Variants in RANBP2 observed in about 807,000 individuals in gnomAD.
RANBP2 encodes E3 SUMO-protein ligase RanBP2.
A neutral mutation model predicts 303.6 loss-of-function variants in RANBP2; 57 were observed. The observed-to-expected ratio is 0.19, with a 90% CI of 0.15 to 0.23. The LOEUF (loss-of-function observed/expected upper bound fraction) is 0.23. RANBP2 is among the 10% of genes least tolerant of loss of function. The pLI is 1.00. For synonymous variants in RANBP2, 1,167 were observed against 1,301.5 expected (o/e 0.90, Z 2.23); for missense variants, 3,138 against 3,780.8 (o/e 0.83, Z 4.46).
At chr2:108,733,631 T>C (rs1161442945) in intron 4 of RANBP2, among the ~76,000 whole-genome samples, 1 of 152,204 alleles carries the variant, frequency 6.6e-6, no homozygotes, top group African/African-American at 2.4e-5. Context: ...TGAGGTCTAA[T>C]TGTGCAGATT....
intron 4 of RANBP2, among the ~76,000 whole-genome samples, chr2:108,733,893 G>A (rs1266450869): frequency 1.3e-4 from 20 of 150,292 alleles, no homozygotes; most frequent in African/African-American, 4.5e-4. Flanking sequence ...TAACTGTCAT[G>A]CAAAGTAATT....
the RANBP2 span, among the ~76,000 whole-genome samples, chr2:109,376,558 C>T: frequency 6.6e-6 from 1 of 152,230 alleles, no homozygotes; most frequent in Non-Finnish European, 1.5e-5. Context: ...TGATGAAAGA[C>T]AGTAGACACA....
chr2:109,482,567 G>A, the RANBP2 span, among the ~76,000 whole-genome samples: 1 of 152,178 alleles, frequency 6.6e-6, no homozygotes, highest in African/African-American at 2.4e-5. Flanking sequence ...CCACTCCCGC[G>A]CCCAGCCCGG....
the RANBP2 span, among the ~76,000 whole-genome samples, chr2:109,636,246 A>G: frequency 6.6e-6 from 1 of 152,250 alleles, no homozygotes; most frequent in Non-Finnish European, 1.5e-5. Context: ...AGACTAGGAC[A>G]TTAATAATCT....
At chr2:109,382,023 G>A in the RANBP2 span, among the ~76,000 whole-genome samples, 24,540 of 152,066 alleles carry the variant, frequency 0.16, 2,108 homozygotes, top group Middle Eastern at 0.25. Context: ...CCTGTGCACA[G>A]CCTCCATAAG....
chr2:109,142,052 G>A, the RANBP2 span, among the ~76,000 whole-genome samples: 1 of 151,486 alleles, frequency 6.6e-6, no homozygotes, highest in African/African-American at 2.4e-5. Flanking sequence ...CTGGGGGGGG[G>A]GTCTCAGGTA....
At chr2:108,791,658 C>G in the RANBP2 span, 1 of 1,599,792 alleles carries the variant, frequency 6.3e-7, no homozygotes, top group African/African-American at 1.3e-5. Flanking sequence ...TGCTGTGATA[C>G]AATTATTTTT....
At chr2:109,409,708 T>G in the RANBP2 span, among the ~76,000 whole-genome samples, 2 of 151,974 alleles carry the variant, frequency 1.3e-5, no homozygotes, top group Non-Finnish European at 2.9e-5. Context: ...GAGAGGGAGA[T>G]CGAGAGGCAC....
chr2:108,745,658 T>C (rs930548126), intron 7 of RANBP2, among the ~76,000 whole-genome samples: 1 of 151,966 alleles, frequency 6.6e-6, no homozygotes, highest in Admixed American at 6.6e-5. Context: ...GTCCCATTTA[T>C]TCCAGTGCTA....
the RANBP2 span, among the ~76,000 whole-genome samples, chr2:109,044,924 TA>T: frequency 6.6e-6 from 1 of 152,206 alleles, no homozygotes; most frequent in South Asian, 2.1e-4. Context: ...GTGATTCTAC[TA>T]AAGTCTTCGT....
At chr2:109,215,794 G>A in the RANBP2 span, among the ~76,000 whole-genome samples, 2 of 152,122 alleles carry the variant, frequency 1.3e-5, no homozygotes, top group Admixed American at 1.3e-4. Flanking sequence ...GGGATGAGCT[G>A]GGATTTGCCC....
At chr2:109,141,909 G>C in the RANBP2 span, among the ~76,000 whole-genome samples, 1 of 152,008 alleles carries the variant, frequency 6.6e-6, no homozygotes, top group Non-Finnish European at 1.5e-5. Context: ...CCTACCTCCT[G>C]CAAGCTCTGC....
the RANBP2 span, among the ~76,000 whole-genome samples, chr2:109,173,753 G>A: frequency 6.6e-6 from 1 of 152,176 alleles, no homozygotes; most frequent in African/African-American, 2.4e-5. Flanking sequence ...AGGGACTGTG[G>A]TAGCCTGCCT....
At chr2:108,902,948 G>A in the RANBP2 span, among the ~76,000 whole-genome samples, 1 of 152,146 alleles carries the variant, frequency 6.6e-6, no homozygotes, top group South Asian at 2.1e-4. Context: ...GATTGGAAAG[G>A]AAGAAATAAA....
the RANBP2 span, chr2:109,553,224 A>G: frequency 6.2e-7 from 1 of 1,613,430 alleles, no homozygotes; most frequent in Non-Finnish European, 8.5e-7. Context: ...TGAACACTAA[A>G]AAGTTATTTG....
chr2:109,085,167 C>T, the RANBP2 span, among the ~76,000 whole-genome samples: 1 of 152,190 alleles, frequency 6.6e-6, no homozygotes, highest in Admixed American at 6.5e-5. Context: ...TATGAGGGAG[C>T]TGAGCCCATT....
chr2:109,359,403 A>G, the RANBP2 span, among the ~76,000 whole-genome samples: 1 of 151,880 alleles, frequency 6.6e-6, no homozygotes, highest in Admixed American at 6.6e-5. Context: ...CTATCCATGA[A>G]CATGAAATAT....
chr2:109,073,116 A>G, the RANBP2 span, among the ~76,000 whole-genome samples: 2 of 152,244 alleles, frequency 1.3e-5, no homozygotes, highest in South Asian at 4.1e-4. Context: ...GTGATTTACC[A>G]GACAAAAAAT....
the RANBP2 span, among the ~76,000 whole-genome samples, chr2:109,488,042 A>G: frequency 6.6e-6 from 1 of 152,218 alleles, no homozygotes; most frequent in Non-Finnish European, 1.5e-5. Context: ...CCTTTGGACA[A>G]CGCAAGGCCA....
Sources: allele counts gnomAD v4.1 joint callset (sites outside exome capture counted in the v4.1 genomes callset), GRCh38; gene constraint gnomAD v4.1.1; transcripts MANE v1.5; gene names NCBI Gene and HGNC (gene_info 2026-07-23, HGNC 2026-07-21).